Variants in SLC30A6 observed in about 807,000 individuals in gnomAD.
SLC30A6 encodes the protein solute carrier family 30 member 6.
Under a neutral mutation model 63.0 loss-of-function variants are expected in SLC30A6, and 55 were observed. The ratio of observed to expected loss-of-function variants is 0.87; its 90% CI spans 0.70 to 1.09. The LOEUF (loss-of-function observed/expected upper bound fraction) is 1.09, where lower values mean the gene tolerates loss of function less well. Among genes scored for constraint, SLC30A6 ranks in the 50% least tolerant of loss-of-function variants. SLC30A6 has a pLI of 0.00. For missense variants in SLC30A6, 587 were observed against 549.2 expected (o/e 1.07, Z -0.69); for synonymous variants, 224 against 186.1 (o/e 1.20, Z -1.66).
At chr2:32,198,474 A>G (rs1017487282) in intron 10 of SLC30A6, among the ~76,000 whole-genome samples, 4 of 152,146 alleles carry the variant, frequency 2.6e-5, no homozygotes, top group African/African-American at 9.7e-5. Flanking sequence ...TTAACTCTGA[A>G]ACTGTTTTTT....
At chr2:32,200,505 A>G (rs538588697) in intron 10 of SLC30A6, among the ~76,000 whole-genome samples, 85 of 151,214 alleles carry the variant, frequency 5.6e-4, no homozygotes, top group African/African-American at 2.0e-3. Flanking sequence ...TTTGTTCTGT[A>G]CTAAGAAAAA....
At position 32,220,548 on chromosome 2, in the gene SLC30A6, G is replaced by A. The variant is rs763014635; in HGVS notation, c.1221G>A (p.Arg407=). 12 of 1,614,022 alleles carry A rather than the reference G, an allele frequency of 7.4e-6. No homozygotes were observed. In the African/African-American group the frequency reaches 1.2e-4, roughly 16 times the overall value. The change falls in exon 14 of 14, where the codon AGG becomes AGA. Residue 407 remains arginine (R), a synonymous_variant. Transcript: ENST00000282587. ...NPVILLNTQT[R]PYGFGLNHGH... ...TTATTCTTCTAAACACACAAACAAG[G>A]CCTTATGGTTTTGGTCTCAATCATG...
intron 13 of SLC30A6, among the ~76,000 whole-genome samples, chr2:32,210,110 C>T (rs528897200): frequency 5.8e-4 from 89 of 152,162 alleles, no homozygotes; most frequent in African/African-American, 1.9e-3. Flanking sequence ...TTTACTCGTA[C>T]GTTAGGAATG....
chr2:32,172,066 A>G (rs987836081), intron 2 of SLC30A6, among the ~76,000 whole-genome samples: 1 of 152,186 alleles, frequency 6.6e-6, no homozygotes, highest in Non-Finnish European at 1.5e-5. Context: ...TGTAATTGCC[A>G]TCCTTTTAGG....
At chr2:32,174,988 A>T (rs1171286987) in intron 3 of SLC30A6, among the ~76,000 whole-genome samples, 1 of 151,930 alleles carries the variant, frequency 6.6e-6, no homozygotes, top group South Asian at 2.1e-4. Context: ...TTTTTATTGC[A>T]TTGTTCTTTT....
At chr2:32,173,997 C>A in intron 2 of SLC30A6, 66 bp from the exon 3 acceptor site, 1 of 1,211,184 alleles carries the variant, frequency 8.3e-7, no homozygotes, top group Non-Finnish European at 1.2e-6. Context: ...TAAATTGTAG[C>A]AACTTGAACA....
Position 32,223,659 on chromosome 2 carries a change from A to G in SLC30A6, c.*2946A>G, listed in dbSNP as rs550387665. ...ACCCAAGCCATTAATTTGAGGTGCC[A>G]TGAGAATAGGTGAACCACAGCCTAA... On this transcript the variant is annotated 3_prime_UTR_variant, in exon 14 of 14. Coordinates refer to ENST00000282587, the MANE Select transcript of SLC30A6 (RefSeq NM_017964.5). The G allele has an allele frequency of 6.6e-6, 1 of 152,242 alleles. No individual in the cohort carries two copies. The highest frequency in any genetic ancestry group is 1.5e-5 in the Non-Finnish European group (1 of 68,044). 9.4% of individuals were successfully genotyped at this position (152,242 alleles called of 1,614,324 possible).
At chr2:32,181,927 T>TCTTTC (rs1385332744) in intron 4 of SLC30A6, among the ~76,000 whole-genome samples, 1 of 148,284 alleles carries the variant, frequency 6.7e-6, no homozygotes. Flanking sequence ...ATTTCGTTTT[T>TCTTTC]CTTTTCTTTT....
chr2:32,187,026 G>GAA (rs1039261984), intron 5 of SLC30A6: 33 of 283,264 alleles, frequency 1.2e-4, no homozygotes, highest in Non-Finnish European at 2.1e-4. Flanking sequence ...GAAAGAAAAA[G>GAA]AAAAATGAGT....
intron 13 of SLC30A6, among the ~76,000 whole-genome samples, chr2:32,210,609 T>C (rs533858537): frequency 2.0e-5 from 3 of 152,034 alleles, no homozygotes; most frequent in Middle Eastern, 3.4e-3. Context: ...TGAACAGTTT[T>C]CTATGTCATT....
chr2:32,205,944 C>T (rs1000990089), intron 11 of SLC30A6, among the ~76,000 whole-genome samples: 28 of 151,788 alleles, frequency 1.8e-4, no homozygotes, highest in African/African-American at 6.5e-4. Flanking sequence ...GCTGGGATTA[C>T]AGGCGTGAGC....
chr2:32,224,223 T>C lies in SLC30A6; in HGVS notation c.*3510T>C, dbSNP rs1212461061. ...CATGCCAGGCACTATACTAAGTTAA[T>C]ATGCATTCAGTATACCAGTTGGTGT... On this transcript the variant is annotated 3_prime_UTR_variant, in exon 14 of 14. Transcript: ENST00000282587. The C allele has an allele frequency of 5.3e-6, 2 of 374,494 alleles. No individual in the cohort carries two copies. The highest frequency in any genetic ancestry group is 9.6e-6 in the Non-Finnish European group (2 of 209,156). 23.2% of individuals were successfully genotyped at this position (374,494 alleles called of 1,614,324 possible). A position where few individuals can be genotyped will look rare whatever the true frequency, so the allele number is the denominator to read the frequency against.
chr2:32,184,410 G>A, intron 5 of SLC30A6, 72 bp downstream of exon 5: 2 of 817,000 alleles, frequency 2.4e-6, no homozygotes, highest in Non-Finnish European at 1.8e-6. Flanking sequence ...ACGATAAAGA[G>A]CTAGCTAGAG....
chr2:32,168,261 G>A (rs1294323195), intron 1 of SLC30A6, among the ~76,000 whole-genome samples: 1 of 151,662 alleles, frequency 6.6e-6, no homozygotes, highest in East Asian at 1.9e-4. Context: ...AAAACCTATG[G>A]CACTATATCT....
chr2:32,211,768 C>T (rs962606525), intron 13 of SLC30A6, among the ~76,000 whole-genome samples: 3 of 152,118 alleles, frequency 2.0e-5, no homozygotes, highest in Non-Finnish European at 2.9e-5. Flanking sequence ...CAGGCACGCA[C>T]CACCACGCCC....
intron 4 of SLC30A6, among the ~76,000 whole-genome samples, chr2:32,184,006 A>G (rs556630639): frequency 6.6e-6 from 1 of 152,294 alleles, no homozygotes; most frequent in South Asian, 2.1e-4. Context: ...TTTAGGTTCT[A>G]CTTTACTGAC....
At chr2:32,201,686 G>T (rs1260277591) in intron 10 of SLC30A6, 1 of 1,457,918 alleles carries the variant, frequency 6.9e-7, no homozygotes, top group Non-Finnish European at 9.4e-7. Flanking sequence ...AGAGGCAGAA[G>T]AGCTTTATGG....
At chr2:32,197,672 G>A in intron 9 of SLC30A6, 35 bp from the exon 10 acceptor site, 1 of 1,613,174 alleles carries the variant, frequency 6.2e-7, no homozygotes. Flanking sequence ...TGTGAGTTCT[G>A]CTAATGGATA....
intron 10 of SLC30A6, chr2:32,202,840 A>G: frequency 2.4e-6 from 2 of 836,098 alleles, no homozygotes; most frequent in Non-Finnish European, 4.2e-6. Context: ...AGATACGAAC[A>G]GATTGATGTT....
Sources: gnomAD v4.1 joint callset for allele counts (sites outside exome capture counted in the v4.1 genomes callset) on GRCh38, gnomAD v4.1.1 for gene constraint, MANE v1.5 for transcripts, NCBI Gene and HGNC (gene_info 2026-07-23, HGNC 2026-07-21) for gene names.